DLGAP2: variants seen among roughly 807,000 people sequenced by gnomAD.
DLGAP2 encodes the protein disks large-associated protein 2.
A neutral mutation model predicts 100.3 loss-of-function variants in DLGAP2; 26 were observed. The observed-to-expected ratio is 0.26, with a 90% CI of 0.19 to 0.36. The LOEUF is 0.36. Ranked by LOEUF, DLGAP2 falls within the 10% of genes least tolerant of loss-of-function variation. The pLI is 1.00. For synonymous variants in DLGAP2, 886 were observed against 630.1 expected, an observed-to-expected ratio of 1.41 and a Z score of -6.08; for missense variants, 1,858 against 1,453.2, an observed-to-expected ratio of 1.28 and a Z score of -4.53.
chr8:1,431,558 C>T (rs1275086620), intron 3 of DLGAP2, among the ~76,000 whole-genome samples: 1 of 152,212 alleles, frequency 6.6e-6, no homozygotes, highest in Admixed American at 6.5e-5. Context: ...CGTTCATGCA[C>T]GAGTTCCCAG....
intron 2 of DLGAP2, among the ~76,000 whole-genome samples, chr8:1,123,392 C>T (rs1407698407): frequency 2.0e-5 from 3 of 152,172 alleles, no homozygotes; most frequent in African/African-American, 7.2e-5. Context: ...GTACAGCCTC[C>T]ACCCGGTCAG....
At chr8:1,165,112 C>A (rs1187849118) in intron 2 of DLGAP2, among the ~76,000 whole-genome samples, 1 of 143,166 alleles carries the variant, frequency 7.0e-6, no homozygotes, top group African/African-American at 2.5e-5. Flanking sequence ...AGGCCCTGCA[C>A]TTCTGCTGCC....
At chr8:1,421,477 A>C (rs1008894599) in intron 3 of DLGAP2, among the ~76,000 whole-genome samples, 3 of 152,200 alleles carry the variant, frequency 2.0e-5, no homozygotes, top group Non-Finnish European at 2.9e-5. Context: ...AATGCATAGA[A>C]TCACTTTCAT....
chr8:842,667 G>A (rs1797004418), intron 1 of DLGAP2, among the ~76,000 whole-genome samples: 1 of 151,972 alleles, frequency 6.6e-6, no homozygotes, highest in South Asian at 2.1e-4. Context: ...TTCACTTTTA[G>A]AGATTCTTAT....
intron 3 of DLGAP2, among the ~76,000 whole-genome samples, chr8:1,343,938 C>G (rs899708613): frequency 6.6e-6 from 1 of 152,342 alleles, no homozygotes; most frequent in East Asian, 1.9e-4. Context: ...AGGGCTTTCC[C>G]TCCTGGCCGA....
At chr8:1,681,084 ATGTT>A (rs1226703568) in intron 12 of DLGAP2, among the ~76,000 whole-genome samples, 1 of 152,164 alleles carries the variant, frequency 6.6e-6, no homozygotes, top group Non-Finnish European at 1.5e-5. Flanking sequence ...CAAAGAGGTC[ATGTT>A]TGTTTGTCAG....
chr8:777,953 T>G (rs1821572839), intron 1 of DLGAP2, among the ~76,000 whole-genome samples: 1 of 152,162 alleles, frequency 6.6e-6, no homozygotes, highest in African/African-American at 2.4e-5. Context: ...GTTTTCCAAC[T>G]TGGTTCCATT....
At chr8:1,507,360 T>C (rs1799960334) in intron 4 of DLGAP2, among the ~76,000 whole-genome samples, 1 of 152,164 alleles carries the variant, frequency 6.6e-6, no homozygotes, top group African/African-American at 2.4e-5. Flanking sequence ...CCAGCACTGC[T>C]GGGGGACCCA....
chr8:987,510 G>A (rs1322956894), intron 2 of DLGAP2, among the ~76,000 whole-genome samples: 1 of 152,116 alleles, frequency 6.6e-6, no homozygotes, highest in Non-Finnish European at 1.5e-5. Flanking sequence ...ACGCCCCCAC[G>A]ACCTTCCCTT....
intron 2 of DLGAP2, among the ~76,000 whole-genome samples, chr8:1,057,069 G>T (rs574011182): frequency 6.6e-6 from 1 of 152,316 alleles, no homozygotes; most frequent in Non-Finnish European, 1.5e-5. Flanking sequence ...ACTACTGTGA[G>T]ATACATATTT....
intron 2 of DLGAP2, among the ~76,000 whole-genome samples, chr8:1,037,739 C>G (rs111704455): frequency 6.6e-6 from 1 of 152,188 alleles, no homozygotes; most frequent in Non-Finnish European, 1.5e-5. Flanking sequence ...CCCTTTTAGC[C>G]GCTTTGGGCC....
chr8:1,558,569 C>T (rs1802049520), intron 5 of DLGAP2, among the ~76,000 whole-genome samples: 4 of 151,902 alleles, frequency 2.6e-5, no homozygotes, highest in Admixed American at 6.6e-5. Context: ...TACACATACA[C>T]ACACATACAC....
chr8:1,254,019 A>G (rs990497032), intron 2 of DLGAP2, among the ~76,000 whole-genome samples: 13 of 152,216 alleles, frequency 8.5e-5, no homozygotes, highest in African/African-American at 2.9e-4. Flanking sequence ...GCGGAACCAC[A>G]GTCTCTGATC....
chr8:834,385 G>A (rs1796835833), intron 1 of DLGAP2, among the ~76,000 whole-genome samples: 1 of 152,214 alleles, frequency 6.6e-6, no homozygotes, highest in Admixed American at 6.5e-5. Flanking sequence ...ATAGTTCCAT[G>A]AAGTTCATAA....
At chr8:1,231,857 C>T (rs1186037969) in intron 2 of DLGAP2, among the ~76,000 whole-genome samples, 4 of 152,168 alleles carry the variant, frequency 2.6e-5, no homozygotes. Context: ...GTACTATACT[C>T]TGTAGCTGGG....
chr8:1,159,781 G>A (rs1358829302), intron 2 of DLGAP2, among the ~76,000 whole-genome samples: 1 of 152,178 alleles, frequency 6.6e-6, no homozygotes, highest in African/African-American at 2.4e-5. Context: ...AGTATTCAAG[G>A]AACGAATGAA....
At chr8:1,192,472 A>T (rs536860693) in intron 2 of DLGAP2, among the ~76,000 whole-genome samples, 144 of 152,134 alleles carry the variant, frequency 9.5e-4, no homozygotes, top group African/African-American at 3.3e-3. Flanking sequence ...TATGAACTGC[A>T]GTCACCGTGA....
At chr8:1,310,239 CA>C (rs1015880605) in intron 3 of DLGAP2, among the ~76,000 whole-genome samples, 1 of 151,942 alleles carries the variant, frequency 6.6e-6, no homozygotes, top group East Asian at 1.9e-4. Flanking sequence ...AAAAAATCCA[CA>C]AAAAAGACAA....
intron 1 of DLGAP2, among the ~76,000 whole-genome samples, chr8:900,222 T>G: frequency 6.8e-6 from 1 of 146,766 alleles, no homozygotes; most frequent in Non-Finnish European, 1.5e-5. Flanking sequence ...GGGCGGACGG[T>G]GGGCGCCCTG....
Sources: gnomAD v4.1 joint callset for allele counts (sites outside exome capture counted in the v4.1 genomes callset) on GRCh38, gnomAD v4.1.1 for gene constraint, MANE v1.5 for transcripts, NCBI Gene and HGNC (gene_info 2026-07-23, HGNC 2026-07-21) for gene names.